The following ELFN2 variants were observed in gnomAD, a reference collection of about 807,000 sequenced individuals.
The protein encoded by ELFN2 is protein phosphatase 1 regulatory subunit 29.
Under a neutral mutation model 45.5 loss-of-function variants are expected in ELFN2, and 17 were observed. That is an observed-to-expected ratio of 0.37 (90% confidence interval 0.26 to 0.56). ELFN2 has a LOEUF of 0.56. Ranked by LOEUF, ELFN2 falls within the 20% of genes least tolerant of loss-of-function variation. The pLI is 0.77. For synonymous variants in ELFN2, 550 were observed against 551.5 expected, an observed-to-expected ratio of 1.00 and a Z score of 0.04; for missense variants, 922 against 1,183.2, an observed-to-expected ratio of 0.78 and a Z score of 3.24.
chr22:37,369,335 C>G lies in ELFN2; in HGVS notation c.*3737G>C, dbSNP rs2145629205. 6.6e-6 allele frequency: 1 copy of G among 152,332 alleles called. No individual in the cohort carries two copies. Among genetic ancestry groups the G allele is most frequent in the East Asian group, 1.9e-4 (1 of 5,160 alleles). The allele number at this position is 152,332 out of a possible 1,614,324, so 9.4% of individuals were successfully genotyped here. On this transcript the variant is annotated 3_prime_UTR_variant, in exon 3 of 3. Coordinates refer to ENST00000402918, the MANE Select transcript of ELFN2 (RefSeq NM_052906.5). Reference sequence around the variant, plus strand: ...CGGGGACGATCCAGGCCTGGCCTTCCCAAGCAGGTCTCTTTACTCCCACCC... The same window carrying G: ...CGGGGACGATCCAGGCCTGGCCTTCGCAAGCAGGTCTCTTTACTCCCACCC...
At chr22:37,387,058 G>A (rs769989812) in intron 2 of ELFN2, among the ~76,000 whole-genome samples, 6 of 152,342 alleles carry the variant, frequency 3.9e-5, no homozygotes, top group South Asian at 2.1e-4. Context: ...GCGTGGCACC[G>A]TGGCACACGC....
downstream of ELFN2, among the ~76,000 whole-genome samples, chr22:37,365,101 G>A (rs1289937866): frequency 6.6e-6 from 1 of 152,170 alleles, no homozygotes; most frequent in African/African-American, 2.4e-5. Context: ...CCAATGACAG[G>A]AGCAGGAGGA....
In ELFN2 at chr22:37,395,106, AAAATAAATAAATAAAT is replaced by A. The variant is rs3041590; in HGVS notation, c.-462-19126_-462-19111del. On this transcript the variant is annotated intron_variant, in intron 2 of 2. Coordinates refer to ENST00000402918, the MANE Select transcript of ELFN2 (RefSeq NM_052906.5). ...GGTGACAGAGTGAGACTCTGTCTCA[AAAATAAATAAATAAAT>A]AAATAAATAAATAAATAAATAAATA... Among the ~76,000 whole-genome samples, 56 of 141,022 alleles carry A rather than the reference AAAATAAATAAATAAAT, an allele frequency of 4.0e-4. 1 individual carries two copies. Among genetic ancestry groups the A allele is most frequent in the South Asian group, 1.2e-3 (5 of 4,280 alleles). The allele number at this position is 141,022 out of a possible 152,430, so 92.5% of individuals were successfully genotyped here. A position where few individuals can be genotyped will look rare whatever the true frequency, so the allele number is the denominator to read the frequency against.
At chr22:37,412,863 C>A (rs1932682266) in intron 2 of ELFN2, among the ~76,000 whole-genome samples, 1 of 152,220 alleles carries the variant, frequency 6.6e-6, no homozygotes, top group African/African-American at 2.4e-5. Context: ...AGGGCTGGGA[C>A]CAGCAGCCTT....
At chr22:37,426,401 G>A (rs561396269) in intron 1 of ELFN2, among the ~76,000 whole-genome samples, 4 of 151,484 alleles carry the variant, frequency 2.6e-5, no homozygotes, top group South Asian at 4.2e-4. Context: ...CAAACATTCC[G>A]AGGAAATCCT....
intron 2 of ELFN2, among the ~76,000 whole-genome samples, chr22:37,376,303 C>A (rs1298911259): frequency 1.3e-5 from 2 of 151,994 alleles, no homozygotes; most frequent in Non-Finnish European, 2.9e-5. Context: ...CAGACACACA[C>A]CCCCAGCACC....
At position 37,368,608 on chromosome 22, in the gene ELFN2, C is replaced by CA. The variant is rs903074837; in HGVS notation, c.*4463dup. 2.6e-4 allele frequency: 40 copies of CA among 152,422 alleles called. No individual in the cohort carries two copies. Among genetic ancestry groups the CA allele is most frequent in the African/African-American group, 9.6e-4 (40 of 41,570 alleles). 9.4% of individuals were successfully genotyped at this position (152,422 alleles called of 1,614,324 possible). A position where few individuals can be genotyped will look rare whatever the true frequency, so the allele number is the denominator to read the frequency against. Reference sequence around the variant, plus strand: ...GAGGTCCCCTCTCCTGGGGCTCAGCCACCTCTGGAGCAGCCACCTTGTCAG... The same window carrying CA: ...GAGGTCCCCTCTCCTGGGGCTCAGCCAACCTCTGGAGCAGCCACCTTGTCAG... On this transcript the variant is annotated 3_prime_UTR_variant, in exon 3 of 3. Coordinates refer to ENST00000402918, the MANE Select transcript of ELFN2 (RefSeq NM_052906.5).
In ELFN2 at chr22:37,372,366, C is replaced by T. The variant is rs536643182; in HGVS notation, c.*706G>A. 1 of 152,552 alleles carries T rather than the reference C, an allele frequency of 6.6e-6. No homozygotes were observed. The highest frequency in any genetic ancestry group is 2.1e-4 in the South Asian group (1 of 4,834). 9.4% of individuals were successfully genotyped at this position (152,552 alleles called of 1,614,324 possible). On this transcript the variant is annotated 3_prime_UTR_variant, in exon 3 of 3. Transcript: ENST00000402918. The surrounding 1 kb of genome is among the most constrained non-coding windows in gnomAD (Gnocchi z 4.4). ...AGGAAGAAAAAGCACCTGCCTGATT[C>T]CCAAGTCCCTCAGCCCCAAGGGACC...
At chr22:37,347,215 G>A (rs938296183) in intron 1 of ELFN2, among the ~76,000 whole-genome samples, 1 of 152,098 alleles carries the variant, frequency 6.6e-6, no homozygotes, top group Admixed American at 6.5e-5. Flanking sequence ...CTGACCTCAG[G>A]TGATCCGCCC....
chr22:37,402,373 G>A (rs1349277232), intron 2 of ELFN2, among the ~76,000 whole-genome samples: 4 of 152,200 alleles, frequency 2.6e-5, no homozygotes, highest in African/African-American at 7.2e-5. Context: ...CAAACTGACC[G>A]CTGGAGTTTG....
rs1039980038 is a variant in ELFN2, at chr22:37,413,991, C to T, written c.-463+3778G>A. The stretch of plus-strand genomic sequence containing the variant: ...CCACTCACAGCCTGCTGTGTACCCA[C>T]GGCACCTTACCCGGCCTCCCTGGCC... On this transcript the variant is annotated intron_variant, in intron 2 of 2. Coordinates refer to ENST00000402918, the MANE Select transcript of ELFN2 (RefSeq NM_052906.5). Among the ~76,000 whole-genome samples the T allele has an allele frequency of 3.9e-5, 6 of 152,322 alleles. No individual in the cohort carries two copies. In the East Asian group the frequency reaches 5.8e-4, roughly 15 times the overall value.
chr22:37,354,847 CCA>C (rs1211598341), intron 1 of ELFN2: 1 of 144,814 alleles, frequency 6.9e-6, no homozygotes, highest in Non-Finnish European at 1.5e-5. Flanking sequence ...CTAACCATCC[CCA>C]GTGACAACCA....
intron 2 of ELFN2, among the ~76,000 whole-genome samples, chr22:37,378,492 G>A (rs1025895517): frequency 1.3e-5 from 2 of 152,212 alleles, no homozygotes; most frequent in Non-Finnish European, 2.9e-5. Flanking sequence ...CATGGGAGAA[G>A]AGGCCCATGT....
At chr22:37,394,339 G>A (rs1206456358) in intron 2 of ELFN2, among the ~76,000 whole-genome samples, 4 of 152,176 alleles carry the variant, frequency 2.6e-5, no homozygotes, top group East Asian at 1.9e-4. Flanking sequence ...CTCGGCTCGG[G>A]TGCTGTCTTT....
intron 2 of ELFN2, among the ~76,000 whole-genome samples, chr22:37,413,609 C>T (rs1701383697): frequency 2.0e-5 from 3 of 151,288 alleles, no homozygotes; most frequent in South Asian, 2.1e-4. Flanking sequence ...TTAATGGCAA[C>T]ACTGGGGAGG....
chr22:37,351,672 GC>G (rs1257052505), intron 1 of ELFN2, among the ~76,000 whole-genome samples: 1 of 150,160 alleles, frequency 6.7e-6, no homozygotes, highest in East Asian at 1.9e-4. Context: ...TGCTGGCCAG[GC>G]CCCCTTTCAA....
intron 2 of ELFN2, among the ~76,000 whole-genome samples, chr22:37,407,323 G>A (rs2145678056): frequency 6.6e-6 from 1 of 152,234 alleles, no homozygotes; most frequent in South Asian, 2.1e-4. Flanking sequence ...GTGACCACAG[G>A]GCCACTTATT....
At chr22:37,404,468 C>T (rs1932446163) in intron 2 of ELFN2, among the ~76,000 whole-genome samples, 1 of 151,986 alleles carries the variant, frequency 6.6e-6, no homozygotes, top group Non-Finnish European at 1.5e-5. Flanking sequence ...GTAGTGCCTG[C>T]CCTGGAACAG....
At chr22:37,380,646 G>A (rs181062568) in intron 2 of ELFN2, among the ~76,000 whole-genome samples, 11 of 152,242 alleles carry the variant, frequency 7.2e-5, no homozygotes, top group Middle Eastern at 3.4e-3. Flanking sequence ...CAAGGCTCCC[G>A]GAGGTGTCAT....
Sources: allele counts gnomAD v4.1 joint callset (sites outside exome capture counted in the v4.1 genomes callset), GRCh38; gene constraint gnomAD v4.1.1; non-coding constraint Gnocchi (gnomAD v3.1); transcripts MANE v1.5; gene names NCBI Gene and HGNC (gene_info 2026-07-23, HGNC 2026-07-21).